The following NHSL1 variants were observed in gnomAD, a reference collection of about 807,000 sequenced individuals.
NHSL1 encodes NHS-like protein 1.
A neutral mutation model predicts 95.0 loss-of-function variants in NHSL1; 48 were observed. The observed-to-expected ratio is 0.51, with a 90% CI of 0.40 to 0.64. The LOEUF (loss-of-function observed/expected upper bound fraction) is 0.64. Among genes scored for constraint, NHSL1 ranks in the 30% least tolerant of loss-of-function variants. The pLI is 0.00. For missense variants in NHSL1, 1,971 were observed against 2,077.7 expected (o/e 0.95, Z 1.00); for synonymous variants, 783 against 833.9 (o/e 0.94, Z 1.05).
At chr6:138,574,981 C>A (rs1783945816), upstream of NHSL1, among the ~76,000 whole-genome samples, 1 of 152,168 alleles carries the variant, frequency 6.6e-6, no homozygotes, top group African/African-American at 2.4e-5. Context: ...CTCATCACAA[C>A]CTCTGCCTCT....
At chr6:138,502,069 G>A (rs1349271891), upstream of NHSL1, among the ~76,000 whole-genome samples, 2 of 152,106 alleles carry the variant, frequency 1.3e-5, no homozygotes, top group South Asian at 2.1e-4. Flanking sequence ...ACGAGTAAGT[G>A]GTAAACCTGG....
intron 1 of NHSL1, among the ~76,000 whole-genome samples, chr6:138,623,157 T>C (rs964969544): frequency 6.6e-6 from 1 of 152,080 alleles, no homozygotes; most frequent in Non-Finnish European, 1.5e-5. Context: ...CTGAGAACAA[T>C]GCGATGGGAA....
chr6:138,673,937 C>T (rs1006249805), intron 1 of NHSL1, among the ~76,000 whole-genome samples: 2 of 152,174 alleles, frequency 1.3e-5, no homozygotes, highest in South Asian at 2.1e-4. Flanking sequence ...TTTGTTAAAA[C>T]ACACATACAC....
At chr6:138,552,276 G>A (rs988325580) in intron 1 of NHSL1, among the ~76,000 whole-genome samples, 5 of 152,062 alleles carry the variant, frequency 3.3e-5, no homozygotes, top group Admixed American at 1.3e-4. Flanking sequence ...AAAATTAGCT[G>A]GGCATAGTGG....
intron 1 of NHSL1, among the ~76,000 whole-genome samples, chr6:138,632,452 G>A (rs753441365): frequency 6.6e-5 from 10 of 152,190 alleles, no homozygotes; most frequent in African/African-American, 1.2e-4. Context: ...CTGACCCAGC[G>A]CGGTCCTAGT....
chr6:138,628,318 A>G (rs1157651406), intron 1 of NHSL1, among the ~76,000 whole-genome samples: 2 of 151,964 alleles, frequency 1.3e-5, no homozygotes, highest in East Asian at 1.9e-4. Flanking sequence ...TCTCAAAAAA[A>G]AAAAAAGAAA....
Position 138,424,175 on chromosome 6 carries a change from T to TGCAGGGAGGCG in NHSL1, c.4716_4726dup (p.Gln1576ProfsTer31). ...ATCCACAGGGCCGGGGGCCTGGGGCTGCAGGGAGGCGGCAGGCCCCTCCCC... is the reference window on the plus strand; with the variant it reads ...ATCCACAGGGCCGGGGGCCTGGGGCTGCAGGGAGGCGGCAGGGAGGCGGCAGGCCCCTCCCC... On this transcript the variant is annotated frameshift_variant, in exon 8 of 8. Coordinates refer to ENST00000343505, the MANE Select transcript of NHSL1 (RefSeq NM_001144060.2). LOFTEE classifies it low-confidence loss of function (END_TRUNC). The surrounding 1 kb of genome is among the most constrained non-coding windows in gnomAD (Gnocchi z 5.9). 1 of 1,465,462 alleles carries TGCAGGGAGGCG rather than the reference T, an allele frequency of 6.8e-7. No homozygotes were observed. 90.8% of individuals were successfully genotyped at this position (1,465,462 alleles called of 1,614,324 possible).
intron 2 of NHSL1, among the ~76,000 whole-genome samples, chr6:138,481,174 T>G (rs1338348667): frequency 6.6e-6 from 1 of 152,198 alleles, no homozygotes; most frequent in African/African-American, 2.4e-5. Flanking sequence ...TAATCTAGTT[T>G]GAGCTTTCAA....
chr6:138,605,824 A>G (rs1368736118), intron 1 of NHSL1, among the ~76,000 whole-genome samples: 2 of 152,182 alleles, frequency 1.3e-5, no homozygotes, highest in Non-Finnish European at 2.9e-5. Context: ...TGAGAGGAAA[A>G]TGGCCAGGTC....
intron 3 of NHSL1, among the ~76,000 whole-genome samples, chr6:138,469,908 G>T (rs1424395818): frequency 6.6e-6 from 1 of 152,100 alleles, no homozygotes; most frequent in Non-Finnish European, 1.5e-5. Flanking sequence ...ATCAAGAAAT[G>T]GTTAATACAA....
In NHSL1 at chr6:138,616,440, G is replaced by C. The variant is rs139847785; in HGVS notation, c.96+76036C>G. The stretch of plus-strand genomic sequence containing the variant: ...CAGGGGCAGTACAAGCCAGTTTGTG[G>C]TATTACAAACTCTTGGGATGGTGGT... On this transcript the variant is annotated intron_variant, in intron 1 of 3. Coordinates refer to the NHSL1 transcript ENST00000491526. Among the ~76,000 whole-genome samples the C allele has an allele frequency of 2.8e-4, 43 of 152,220 alleles. 1 individual carries two copies. Among genetic ancestry groups the C allele is most frequent in the African/African-American group, 1.0e-3 (43 of 41,538 alleles).
intron 1 of NHSL1, among the ~76,000 whole-genome samples, chr6:138,506,728 G>T (rs1031837123): frequency 3.3e-5 from 5 of 151,944 alleles, no homozygotes; most frequent in Admixed American, 2.0e-4. Context: ...AAGAACCATT[G>T]GTTAGTAATA....
chr6:138,511,844 G>T (rs1312143724), intron 1 of NHSL1, among the ~76,000 whole-genome samples: 1 of 152,082 alleles, frequency 6.6e-6, no homozygotes, highest in East Asian at 1.9e-4. Context: ...GGAAGCCAAG[G>T]TTGCAGTGAG....
intron 1 of NHSL1, among the ~76,000 whole-genome samples, chr6:138,671,543 A>T (rs1785371244): frequency 6.6e-6 from 1 of 152,136 alleles, no homozygotes; most frequent in African/African-American, 2.4e-5. Flanking sequence ...CAGAAGAGAA[A>T]GGAAGTCTCT....
intron 1 of NHSL1, among the ~76,000 whole-genome samples, chr6:138,523,367 T>C (rs1156366121): frequency 1.3e-5 from 2 of 152,090 alleles, no homozygotes; most frequent in African/African-American, 4.8e-5. Context: ...TGCAGTGTAG[T>C]GGTGAGATCA....
At chr6:138,497,073 G>A (rs1460462381) in intron 1 of NHSL1, among the ~76,000 whole-genome samples, 1 of 152,132 alleles carries the variant, frequency 6.6e-6, no homozygotes, top group Non-Finnish European at 1.5e-5. Context: ...TCCCAGCACA[G>A]AAGAGACCAA....
chr6:138,591,565 C>T lies in NHSL1; in HGVS notation c.97-95194G>A, dbSNP rs879339986. On this transcript the variant is annotated intron_variant, in intron 1 of 3. Transcript: ENST00000491526. ...TTGAGTGGCTGAGACCACAAGTACA[C>T]GCCCCCATGCCTGGCTGATTTTTTT... 1.6e-4 allele frequency among the ~76,000 whole-genome samples: 25 copies of T among 152,224 alleles called. 1 individual carries two copies. In the East Asian group the frequency reaches 3.9e-3, roughly 24 times the overall value.
intron 1 of NHSL1, among the ~76,000 whole-genome samples, chr6:138,539,852 A>G (rs1171120482): frequency 6.6e-6 from 1 of 152,184 alleles, no homozygotes; most frequent in Non-Finnish European, 1.5e-5. Flanking sequence ...TAGCATCTCA[A>G]TTTATAGTAT....
intron 2 of NHSL1, among the ~76,000 whole-genome samples, chr6:138,495,654 A>C (rs1019201981): frequency 6.6e-6 from 1 of 152,254 alleles, no homozygotes; most frequent in African/African-American, 2.4e-5. Flanking sequence ...ACAGATTTGC[A>C]TATCTGCAAA....
Sources: allele counts gnomAD v4.1 joint callset (sites outside exome capture counted in the v4.1 genomes callset), GRCh38; gene constraint gnomAD v4.1.1; non-coding constraint Gnocchi (gnomAD v3.1); transcripts MANE v1.5; gene names NCBI Gene and HGNC (gene_info 2026-07-23, HGNC 2026-07-21).